The following TANGO2 variants were observed in gnomAD, a reference collection of about 807,000 sequenced individuals.
TANGO2 encodes transport and golgi organization 2 homolog, also known as transport and Golgi organization protein 2 homolog.
TANGO2 carries 26 observed loss-of-function variants against 39.1 expected under a neutral mutation model. That is an observed-to-expected ratio of 0.67 (90% confidence interval 0.49 to 0.92). The LOEUF is 0.92. TANGO2 is among the 40% of genes least tolerant of loss of function. The pLI is 0.00. For synonymous variants in TANGO2, 131 were observed against 144.5 expected (o/e 0.91, Z 0.67); for missense variants, 326 against 360.1 (o/e 0.91, Z 0.77).
chr22:20,019,908 T>C (rs111262365), upstream of TANGO2, among the ~76,000 whole-genome samples: 136 of 152,334 alleles, frequency 8.9e-4, no homozygotes, highest in African/African-American at 3.2e-3. Flanking sequence ...CTGGAGTCCT[T>C]GTAAAAGGTT....
rs373955886 is a variant in TANGO2 at position 20,036,786 on chromosome 22, G to T, written c.-13G>T. On this transcript the variant is annotated 5_prime_UTR_variant, in exon 2 of 9. Coordinates refer to ENST00000327374, the MANE Select transcript of TANGO2 (RefSeq NM_152906.7). Reference sequence around the variant, plus strand: ...CCTCGCGACCTGTGTCAGCAGAGCCGCCCTGCACCACCATGTGCATCATCT... The same window carrying T: ...CCTCGCGACCTGTGTCAGCAGAGCCTCCCTGCACCACCATGTGCATCATCT... The T allele has an allele frequency of 1.9e-6, 3 of 1,614,210 alleles. No individual in the cohort carries two copies. Among genetic ancestry groups the T allele is most frequent in the African/African-American group, 1.3e-5 (1 of 75,052 alleles).
rs115208925 is a variant in TANGO2 at position 20,054,181 on chromosome 22, T to C, written c.380+630T>C. ...CCCGAGCTCCAGGCCTGCTGTTCGTTGAGCATCCCTTGTGTGTGGCATGCC... is the reference window on the plus strand; with the variant it reads ...CCCGAGCTCCAGGCCTGCTGTTCGTCGAGCATCCCTTGTGTGTGGCATGCC... On this transcript the variant is annotated intron_variant, in intron 5 of 8. Transcript: ENST00000327374. 6.9e-3 allele frequency: 1,577 copies of C among 229,822 alleles called. 29 individuals are homozygous for C. Among genetic ancestry groups the C allele is most frequent in the African/African-American group, 0.035 (1,485 of 42,968 alleles). The allele number at this position is 229,822 out of a possible 1,614,324, so 14.2% of individuals were successfully genotyped here. A position where few individuals can be genotyped will look rare whatever the true frequency, so the allele number is the denominator to read the frequency against.
intron 1 of TANGO2, among the ~76,000 whole-genome samples, chr22:20,027,530 TACATGTGTCTGCTC>T (rs908015612): frequency 6.6e-6 from 1 of 152,160 alleles, no homozygotes; most frequent in Non-Finnish European, 1.5e-5. Flanking sequence ...CCCCACAGCA[TACATGTGTCTGCTC>T]ACATGTGTGT....
chr22:20,061,349 G>A, intron 6 of TANGO2, 181 bp from the exon 7 acceptor site: 1 of 643,144 alleles, frequency 1.6e-6, no homozygotes, highest in Non-Finnish European at 2.5e-6. Context: ...TCCTCTCCTT[G>A]CCATGCCATC....
At chr22:20,034,732 G>T (rs1251013908) in intron 1 of TANGO2, among the ~76,000 whole-genome samples, 2 of 152,172 alleles carry the variant, frequency 1.3e-5, no homozygotes, top group Non-Finnish European at 2.9e-5. Flanking sequence ...TCTTCATCCT[G>T]TGGGGGTGAC....
chr22:20,037,591 T>C (rs2043087943), intron 2 of TANGO2, among the ~76,000 whole-genome samples: 1 of 152,226 alleles, frequency 6.6e-6, no homozygotes. Context: ...ACCATGCTGC[T>C]TGACTTCAAG....
At chr22:20,044,176 G>T (rs2044608119) in intron 3 of TANGO2, among the ~76,000 whole-genome samples, 1 of 152,178 alleles carries the variant, frequency 6.6e-6, no homozygotes, top group Admixed American at 6.5e-5. Context: ...GCCCACTCAG[G>T]CCAGATGTGT....
chr22:20,033,646 C>CA (rs1272246102), intron 1 of TANGO2, among the ~76,000 whole-genome samples: 1 of 152,234 alleles, frequency 6.6e-6, no homozygotes, highest in Non-Finnish European at 1.5e-5. Context: ...AGGGCTTCTC[C>CA]AGTGACTGCA....
chr22:20,043,553 G>A (rs112548149), intron 3 of TANGO2, 110 bp downstream of exon 3: 2 of 762,510 alleles, frequency 2.6e-6, no homozygotes, highest in Non-Finnish European at 4.4e-6. Flanking sequence ...TGATGGCGGG[G>A]TGTAGAGGTG....
upstream of TANGO2, among the ~76,000 whole-genome samples, chr22:20,018,640 A>G (rs1187829847): frequency 8.6e-5 from 13 of 152,022 alleles, no homozygotes. Flanking sequence ...CACCCCTACC[A>G]CCCATAGGGT....
intron 1 of TANGO2, among the ~76,000 whole-genome samples, chr22:20,027,067 CT>C (rs1285921839): frequency 6.6e-6 from 1 of 152,154 alleles, no homozygotes; most frequent in Non-Finnish European, 1.5e-5. Context: ...CTGGGGAGGC[CT>C]CAGGAAACTT....
At chr22:20,049,717 C>T (rs1459950355) in intron 3 of TANGO2, among the ~76,000 whole-genome samples, 2 of 150,830 alleles carry the variant, frequency 1.3e-5, no homozygotes, top group Admixed American at 6.6e-5. Context: ...CCTTCTTTTT[C>T]GGGACTATTT....
rs529501471 is a variant in TANGO2 at position 20,049,655 on chromosome 22, T to A, written c.146-2810T>A. 2.1e-5 allele frequency among the ~76,000 whole-genome samples: 3 copies of A among 142,072 alleles called. No individual in the cohort carries two copies. In the East Asian group the frequency reaches 6.1e-4, roughly 29 times the overall value. The allele number at this position is 142,072 out of a possible 152,430, so 93.2% of individuals were successfully genotyped here. On this transcript the variant is annotated intron_variant, in intron 3 of 8. Transcript: ENST00000327374. ...AGCCTGGGTAACAAGAGCGAAACTCTGTCTCAAAAAAAAAAAAAAAAAGAA... is the reference window on the plus strand; with the variant it reads ...AGCCTGGGTAACAAGAGCGAAACTCAGTCTCAAAAAAAAAAAAAAAAAGAA...
intron 3 of TANGO2, among the ~76,000 whole-genome samples, chr22:20,049,582 C>T (rs2045889216): frequency 1.3e-5 from 2 of 151,642 alleles, no homozygotes; most frequent in South Asian, 4.2e-4. Context: ...ATCACTTGAA[C>T]CCGGGAGGCG....
intron 7 of TANGO2, 193 bp from the exon 8 acceptor site, chr22:20,063,145 A>T (rs1210329728): frequency 1.8e-5 from 10 of 562,968 alleles, no homozygotes; most frequent in Non-Finnish European, 3.2e-5. Flanking sequence ...GACAAGAGTG[A>T]AACTCCTCCT....
chr22:20,018,583 C>G (rs1945368301), upstream of TANGO2, among the ~76,000 whole-genome samples: 1 of 152,118 alleles, frequency 6.6e-6, no homozygotes, highest in Non-Finnish European at 1.5e-5. Context: ...AAAGACAGAA[C>G]CATACACCAA....
chr22:20,038,746 C>T (rs1280712811), intron 2 of TANGO2, among the ~76,000 whole-genome samples: 1 of 152,120 alleles, frequency 6.6e-6, no homozygotes, highest in Non-Finnish European at 1.5e-5. Flanking sequence ...TCTGCTCTGC[C>T]TGTGGGGTGT....
intron 1 of TANGO2, among the ~76,000 whole-genome samples, chr22:20,025,033 G>T (rs2040457534): frequency 6.6e-6 from 1 of 151,866 alleles, no homozygotes; most frequent in Non-Finnish European, 1.5e-5. Context: ...TGGCAGGGAA[G>T]GAGGGCAGGA....
chr22:20,061,764 G>A (rs1568919483), intron 7 of TANGO2, 81 bp downstream of exon 7: 1 of 1,450,988 alleles, frequency 6.9e-7, no homozygotes, highest in Non-Finnish European at 9.1e-7. Context: ...GCTGCCCCGG[G>A]AGGCCCATGG....
Sources: gnomAD v4.1 joint callset for allele counts (sites outside exome capture counted in the v4.1 genomes callset) on GRCh38, gnomAD v4.1.1 for gene constraint, MANE v1.5 for transcripts, NCBI Gene and HGNC (gene_info 2026-07-23, HGNC 2026-07-21) for gene names.